Variants in SEMA3E observed in about 807,000 individuals in gnomAD.
SEMA3E encodes the protein semaphorin 3E.
SEMA3E carries 49 observed loss-of-function variants against 93.6 expected under a neutral mutation model. That is an observed-to-expected ratio of 0.52 (90% CI 0.42 to 0.66). SEMA3E has a LOEUF of 0.66. Among genes scored for constraint, SEMA3E ranks in the 30% least tolerant of loss-of-function variants. The probability of loss-of-function intolerance (pLI) is 0.00; values close to 1 mark genes in which losing one functional copy is unlikely to be tolerated. For missense variants in SEMA3E, 906 were observed against 964.8 expected, an observed-to-expected ratio of 0.94 and a Z score of 0.81; for synonymous variants, 363 against 330.7, an observed-to-expected ratio of 1.10 and a Z score of -1.06.
chr7:83,486,558 C>T (rs954486417), intron 2 of SEMA3E, among the ~76,000 whole-genome samples: 6 of 152,128 alleles, frequency 3.9e-5, no homozygotes, highest in African/African-American at 9.7e-5. Context: ...TTCTTAAGCT[C>T]ACTCTTTTAA....
intron 1 of SEMA3E, among the ~76,000 whole-genome samples, chr7:83,538,680 T>G (rs1375070040): frequency 6.6e-6 from 1 of 152,246 alleles, no homozygotes; most frequent in Non-Finnish European, 1.5e-5. Flanking sequence ...ATTTCATAAG[T>G]TTTTCCCTCT....
chr7:83,423,561 T>C (rs911987719), intron 4 of SEMA3E, among the ~76,000 whole-genome samples: 8 of 150,638 alleles, frequency 5.3e-5, no homozygotes, highest in African/African-American at 1.7e-4. Flanking sequence ...TGGAGTGCAG[T>C]GGCACCATCT....
intron 5 of SEMA3E, 82 bp from the exon 6 acceptor site, chr7:83,408,569 A>T: frequency 7.4e-7 from 1 of 1,348,070 alleles, no homozygotes; most frequent in Non-Finnish European, 1.0e-6. Flanking sequence ...TAATATGTGT[A>T]TCTATAATAT....
At chr7:83,467,150 G>A (rs1453355168) in intron 3 of SEMA3E, among the ~76,000 whole-genome samples, 5 of 137,280 alleles carry the variant, frequency 3.6e-5, no homozygotes, top group Admixed American at 8.0e-5. Flanking sequence ...CTGCAGCCTC[G>A]CATTCCCAGG....
At chr7:83,553,302 C>T (rs57979872) in intron 1 of SEMA3E, among the ~76,000 whole-genome samples, 2,547 of 152,256 alleles carry the variant, frequency 0.017, 82 homozygotes, top group African/African-American at 0.058. Flanking sequence ...ATGTATAACT[C>T]CCTACAGTCC....
intron 13 of SEMA3E, 100 bp from the exon 14 acceptor site, chr7:83,392,821 A>T (rs1285597568): frequency 8.9e-7 from 1 of 1,129,778 alleles, no homozygotes; most frequent in Non-Finnish European, 1.3e-6. Context: ...CTCAGAAAAA[A>T]TTCACTTAAA....
At chr7:83,478,391 TTTA>T (rs1339018979) in intron 2 of SEMA3E, among the ~76,000 whole-genome samples, 1 of 152,226 alleles carries the variant, frequency 6.6e-6, no homozygotes, top group Non-Finnish European at 1.5e-5. Context: ...ATTTTCATTT[TTTA>T]TTTTTTCATG....
chr7:83,595,668 T>C (rs1792858510), intron 1 of SEMA3E, among the ~76,000 whole-genome samples: 2 of 152,032 alleles, frequency 1.3e-5, no homozygotes, highest in Non-Finnish European at 2.9e-5. Flanking sequence ...AAGTCAGTTA[T>C]TTTGTACAAT....
intron 4 of SEMA3E, among the ~76,000 whole-genome samples, chr7:83,451,510 A>G (rs1337677315): frequency 6.6e-6 from 1 of 152,196 alleles, no homozygotes; most frequent in Non-Finnish European, 1.5e-5. Flanking sequence ...ATTTACTACT[A>G]GATTCTAAGC....
chr7:83,521,333 T>C (rs1401419877), intron 1 of SEMA3E, among the ~76,000 whole-genome samples: 1 of 152,112 alleles, frequency 6.6e-6, no homozygotes, highest in Non-Finnish European at 1.5e-5. Flanking sequence ...CAGAAGTCTA[T>C]TCCAATCTTG....
chr7:83,633,292 T>G (rs1208728722), intron 1 of SEMA3E, among the ~76,000 whole-genome samples: 1 of 152,156 alleles, frequency 6.6e-6, no homozygotes, highest in Non-Finnish European at 1.5e-5. Flanking sequence ...CTAAATACAT[T>G]TAAAAGCTCT....
At chr7:83,429,123 A>C (rs1788832346) in intron 4 of SEMA3E, among the ~76,000 whole-genome samples, 1 of 152,186 alleles carries the variant, frequency 6.6e-6, no homozygotes, top group African/African-American at 2.4e-5. Flanking sequence ...ATTTTATCAA[A>C]TTGCATTTTC....
intron 1 of SEMA3E, among the ~76,000 whole-genome samples, chr7:83,536,096 G>C (rs904208408): frequency 6.6e-6 from 1 of 152,064 alleles, no homozygotes; most frequent in African/African-American, 2.4e-5. Flanking sequence ...TCTTTCAAAA[G>C]TACCTATTCT....
chr7:83,532,432 G>C (rs1791320829), intron 1 of SEMA3E, among the ~76,000 whole-genome samples: 1 of 152,176 alleles, frequency 6.6e-6, no homozygotes, highest in South Asian at 2.1e-4. Context: ...GCACTTAGTA[G>C]TGACTGGCAC....
intron 1 of SEMA3E, among the ~76,000 whole-genome samples, chr7:83,536,315 A>T (rs538078688): frequency 2.6e-5 from 4 of 152,234 alleles, no homozygotes; most frequent in Admixed American, 2.6e-4. Flanking sequence ...GGCCAGGAGA[A>T]TGTCTTAGAC....
chr7:83,439,742 T>C (rs1789074231), intron 4 of SEMA3E, among the ~76,000 whole-genome samples: 1 of 152,188 alleles, frequency 6.6e-6, no homozygotes, highest in African/African-American at 2.4e-5. Context: ...CCTCCTTTTA[T>C]CAAGACACAA....
chr7:83,376,944 C>T (rs984939815), intron 16 of SEMA3E, among the ~76,000 whole-genome samples: 8 of 151,926 alleles, frequency 5.3e-5, no homozygotes, highest in African/African-American at 1.9e-4. Flanking sequence ...AATTATAATG[C>T]TGGTCTTATG....
At chr7:83,491,109 A>G (rs767251258) in intron 1 of SEMA3E, among the ~76,000 whole-genome samples, 20 of 151,982 alleles carry the variant, frequency 1.3e-4, no homozygotes, top group Non-Finnish European at 2.6e-4. Context: ...CTTTTTTTAC[A>G]AAGATCAATG....
At chr7:83,431,899 T>C (rs1471488598) in intron 4 of SEMA3E, among the ~76,000 whole-genome samples, 1 of 151,970 alleles carries the variant, frequency 6.6e-6, no homozygotes, top group Non-Finnish European at 1.5e-5. Context: ...TTTTATCCAA[T>C]GTCCTCTTCT....
Sources: gnomAD v4.1 joint callset for allele counts (sites outside exome capture counted in the v4.1 genomes callset) on GRCh38, gnomAD v4.1.1 for gene constraint, MANE v1.5 for transcripts, NCBI Gene and HGNC (gene_info 2026-07-23, HGNC 2026-07-21) for gene names.